ENTPD1: variants seen among roughly 807,000 people sequenced by gnomAD.
The protein encoded by ENTPD1 is ATP diphosphohydrolase.
In ENTPD1, 33 loss-of-function variants were observed where a neutral mutation model predicts 57.0. The observed-to-expected ratio is 0.58, with a 90% CI of 0.44 to 0.77. The LOEUF is 0.77. ENTPD1 is among the 30% of genes least tolerant of loss of function. The pLI, the probability that ENTPD1 is intolerant of heterozygous loss-of-function variation, is 0.00. For synonymous variants in ENTPD1, 202 were observed against 218.8 expected (o/e 0.92, Z 0.68); for missense variants, 501 against 603.4 (o/e 0.83, Z 1.78).
chr10:95,868,004 TGTG>T lies in ENTPD1; in HGVS notation c.*1624_*1626del. 1 of 985,506 alleles carries T rather than the reference TGTG, an allele frequency of 1.0e-6. No individual in the cohort carries two copies. Among genetic ancestry groups the T allele is most frequent in the East Asian group, 1.1e-4 (1 of 8,820 alleles). 61.0% of individuals were successfully genotyped at this position (985,506 alleles called of 1,614,324 possible). A position where few individuals can be genotyped will look rare whatever the true frequency, so the allele number is the denominator to read the frequency against. ...ATTGGGACATGTTCAAATTCTTTCT[TGTG>T]GTAGTTGCCTATACTGTCATCGCTG... On this transcript the variant is annotated 3_prime_UTR_variant, in exon 10 of 10. Transcript: ENST00000371205.
chr10:95,846,833 CA>C, intron 6 of ENTPD1, among the ~76,000 whole-genome samples: 1 of 151,812 alleles, frequency 6.6e-6, no homozygotes, highest in East Asian at 1.9e-4. Context: ...ACTAAAAATA[CA>C]AAAAATTAGC....
intron 2 of ENTPD1, among the ~76,000 whole-genome samples, chr10:95,829,680 C>G (rs1327041898): frequency 6.6e-6 from 1 of 152,128 alleles, no homozygotes; most frequent in Non-Finnish European, 1.5e-5. Flanking sequence ...GAGAAAGAAG[C>G]TGCTAATTGT....
At chr10:95,782,592 C>T (rs1286301368) in intron 1 of ENTPD1, among the ~76,000 whole-genome samples, 1 of 152,092 alleles carries the variant, frequency 6.6e-6, no homozygotes, top group Non-Finnish European at 1.5e-5. Context: ...CAGTATTGGG[C>T]AAAAGAGTTA....
chr10:95,864,903 G>A (rs761436996), intron 9 of ENTPD1, 42 bp downstream of exon 9: 37 of 1,607,000 alleles, frequency 2.3e-5, no homozygotes, highest in South Asian at 3.3e-5. Context: ...GTTGGGGTTC[G>A]GTGGTAGTGA....
intron 2 of ENTPD1, among the ~76,000 whole-genome samples, chr10:95,827,780 C>T (rs993895304): frequency 9.9e-5 from 15 of 151,682 alleles, no homozygotes; most frequent in African/African-American, 1.9e-4. Context: ...CCACCATGCC[C>T]GGCCAAAAAA....
intron 1 of ENTPD1, among the ~76,000 whole-genome samples, chr10:95,778,119 G>A (rs117242046): frequency 0.016 from 2,497 of 152,236 alleles, 38 homozygotes; most frequent in East Asian, 0.075. Flanking sequence ...GTGATGTCCC[G>A]CCCTGCTTCA....
chr10:95,757,062 A>G lies in ENTPD1; in HGVS notation c.16+807A>G, dbSNP rs186158213. Among the ~76,000 whole-genome samples the G allele has an allele frequency of 6.9e-4, 105 of 152,332 alleles. 1 individual carries two copies. Among genetic ancestry groups the G allele is most frequent in the African/African-American group, 2.4e-3 (100 of 41,576 alleles). ...GAGAGCCAGGAAGAATCTCTGCAGCAGTGAGGGAGTATAGGGTTGTAAACC... is the reference window on the plus strand; with the variant it reads ...GAGAGCCAGGAAGAATCTCTGCAGCGGTGAGGGAGTATAGGGTTGTAAACC... On this transcript the variant is annotated intron_variant, in intron 1 of 9. Coordinates refer to ENST00000371205, the MANE Select transcript of ENTPD1 (RefSeq NM_001776.6).
intron 1 of ENTPD1, among the ~76,000 whole-genome samples, chr10:95,775,856 G>C (rs1288164656): frequency 1.3e-5 from 2 of 152,240 alleles, no homozygotes; most frequent in East Asian, 3.9e-4. Context: ...AGGATAGTTA[G>C]CTCTTCTTGT....
chr10:95,839,578 C>T (rs1414630888), intron 2 of ENTPD1, 113 bp from the exon 3 acceptor site: 3 of 1,056,728 alleles, frequency 2.8e-6, no homozygotes, highest in African/African-American at 3.1e-5. Context: ...CTCAATGTTC[C>T]TCTCAAATAC....
intron 1 of ENTPD1, among the ~76,000 whole-genome samples, chr10:95,817,269 C>T (rs563293807): frequency 2.0e-5 from 3 of 152,346 alleles, no homozygotes; most frequent in South Asian, 4.1e-4. Context: ...CTCCTGGATG[C>T]GTCTGCCCAG....
At chr10:95,721,219 A>G (rs577519669) in intron 1 of ENTPD1, among the ~76,000 whole-genome samples, 33 of 152,306 alleles carry the variant, frequency 2.2e-4, no homozygotes, top group African/African-American at 7.5e-4. Context: ...TGAATAATTT[A>G]TAGGCTTCCT....
Position 95,877,131 on chromosome 10 carries a change from T to A in ENTPD1, c.*10748T>A, listed in dbSNP as rs1025480024. On this transcript the variant is annotated 3_prime_UTR_variant, in exon 10 of 10. Coordinates refer to ENST00000371205, the MANE Select transcript of ENTPD1 (RefSeq NM_001776.6). ...GGAGTAGTAGAAAATCAATTGGTTA[T>A]CTTATAGAGTCTCCTAGAATATTTC... Among the ~76,000 whole-genome samples, 9 of 152,238 alleles carry A rather than the reference T, an allele frequency of 5.9e-5. No individual in the cohort carries two copies. The highest frequency in any genetic ancestry group is 1.5e-5 in the Non-Finnish European group (1 of 68,046).
chr10:95,717,151 G>A (rs1189161341), intron 1 of ENTPD1, among the ~76,000 whole-genome samples: 1 of 152,232 alleles, frequency 6.6e-6, no homozygotes, highest in Non-Finnish European at 1.5e-5. Context: ...TTATGATGCA[G>A]GAATCTTGTG....
At position 95,868,035 on chromosome 10, in the gene ENTPD1, G is replaced by A. The variant is rs1313820764; in HGVS notation, c.*1652G>A. ...AGTTGCCTATACTGTCATCGCTGCTGTTGGTTGAGCATTTGTGGTGTACCA... is the reference window on the plus strand; with the variant it reads ...AGTTGCCTATACTGTCATCGCTGCTATTGGTTGAGCATTTGTGGTGTACCA... On this transcript the variant is annotated 3_prime_UTR_variant, in exon 10 of 10. Coordinates refer to ENST00000371205, the MANE Select transcript of ENTPD1 (RefSeq NM_001776.6). 1 of 985,460 alleles carries A rather than the reference G, an allele frequency of 1.0e-6. No individual in the cohort carries two copies. Among genetic ancestry groups the A allele is most frequent in the African/African-American group, 1.7e-5 (1 of 57,380 alleles). The allele number at this position is 985,460 out of a possible 1,614,324, so 61.0% of individuals were successfully genotyped here.
At chr10:95,865,117 C>T (rs1330490138) in intron 9 of ENTPD1, among the ~76,000 whole-genome samples, 1 of 152,172 alleles carries the variant, frequency 6.6e-6, no homozygotes. Context: ...TAATTCCTTA[C>T]AAAACAAAAC....
chr10:95,868,663 T>A lies in ENTPD1; in HGVS notation c.*2280T>A. On this transcript the variant is annotated 3_prime_UTR_variant, in exon 10 of 10. Coordinates refer to ENST00000371205, the MANE Select transcript of ENTPD1 (RefSeq NM_001776.6). ...AGTATTTCCATTTTACAAATGAGGA[T>A]CACACAAACTACTACATGGCAGAGC... The A allele has an allele frequency of 1.0e-6, 1 of 979,950 alleles. No homozygotes were observed. The highest frequency in any genetic ancestry group is 4.7e-5 in the South Asian group (1 of 21,146). 60.7% of individuals were successfully genotyped at this position (979,950 alleles called of 1,614,324 possible).
the ENTPD1 span, among the ~76,000 whole-genome samples, chr10:95,701,948 C>T: frequency 1.3e-5 from 2 of 151,874 alleles, no homozygotes; most frequent in Non-Finnish European, 2.9e-5. Flanking sequence ...TTTTCAAGTA[C>T]TTTTATTTTT....
In ENTPD1 at chr10:95,870,165, G is replaced by T. The variant is rs537533213; in HGVS notation, c.*3782G>T. The T allele has an allele frequency of 1.0e-6, 1 of 985,442 alleles. No individual in the cohort carries two copies. Among genetic ancestry groups the T allele is most frequent in the Admixed American group, 6.1e-5 (1 of 16,286 alleles). The allele number at this position is 985,442 out of a possible 1,614,324, so 61.0% of individuals were successfully genotyped here. On this transcript the variant is annotated 3_prime_UTR_variant, in exon 10 of 10. Transcript: ENST00000371205. Reference sequence around the variant, plus strand: ...CTTCCCATGAAGATGTGAAGGCAGGGATGCCTGTTATTCAGTCCAAGATGC... The same window carrying T: ...CTTCCCATGAAGATGTGAAGGCAGGTATGCCTGTTATTCAGTCCAAGATGC...
intron 5 of ENTPD1, chr10:95,844,951 GCA>G: frequency 2.1e-6 from 1 of 468,956 alleles, no homozygotes; most frequent in East Asian, 4.3e-5. Flanking sequence ...GCTGTGCTCA[GCA>G]CTTTTCATGT....
Sources: gnomAD v4.1 joint callset for allele counts (sites outside exome capture counted in the v4.1 genomes callset) on GRCh38, gnomAD v4.1.1 for gene constraint, MANE v1.5 for transcripts, NCBI Gene and HGNC (gene_info 2026-07-23, HGNC 2026-07-21) for gene names.